RAB37: variants seen among roughly 807,000 people sequenced by gnomAD.
The protein encoded by RAB37 is RAB37, member RAS oncogene family.
Under a neutral mutation model 33.1 loss-of-function variants are expected in RAB37, and 29 were observed. The observed-to-expected ratio is 0.88, with a 90% confidence interval of 0.65 to 1.20. RAB37 has a LOEUF of 1.20. Ranked by LOEUF, RAB37 falls within the 50% of genes most tolerant of loss-of-function variation. RAB37 has a pLI of 0.00. For synonymous variants in RAB37, 128 were observed against 119.5 expected (o/e 1.07, Z -0.47); for missense variants, 299 against 301.1 (o/e 0.99, Z 0.05).
chr17:74,694,818 T>C (rs915745099), intron 1 of RAB37: 1 of 324,198 alleles, frequency 3.1e-6, no homozygotes, highest in East Asian at 5.0e-5. Context: ...AACATTTTTC[T>C]CATTATCATC....
At chr17:74,703,144 C>T in intron 1 of RAB37, 1 of 1,612,374 alleles carries the variant, frequency 6.2e-7, no homozygotes, top group Non-Finnish European at 8.5e-7. Context: ...GGAGTCGACG[C>T]TGTAGTTGAT....
chr17:74,743,249 C>T (rs2144084766), intron 4 of RAB37, 39 bp from the exon 5 acceptor site: 2 of 1,613,650 alleles, frequency 1.2e-6, no homozygotes, highest in Non-Finnish European at 1.7e-6. Context: ...AGCATCCGTG[C>T]TGCTGCCTAA....
intron 1 of RAB37, among the ~76,000 whole-genome samples, chr17:74,740,315 ATAT>A (rs1399323944): frequency 6.6e-6 from 1 of 152,098 alleles, no homozygotes; most frequent in African/African-American, 2.4e-5. Flanking sequence ...CTTGTCCAAT[ATAT>A]TGACACTTCC....
At chr17:74,708,147 CAAAAA>C (rs373733638) in intron 1 of RAB37, among the ~76,000 whole-genome samples, 1 of 81,306 alleles carries the variant, frequency 1.2e-5, no homozygotes, top group Non-Finnish European at 2.2e-5. Flanking sequence ...GACTCCATCT[CAAAAA>C]AAAAAAAAAG....
At chr17:74,702,084 G>C (rs1480455885) in intron 1 of RAB37, among the ~76,000 whole-genome samples, 1 of 151,998 alleles carries the variant, frequency 6.6e-6, no homozygotes, top group Non-Finnish European at 1.5e-5. Flanking sequence ...AAATGGGAGA[G>C]GGGGAGTAGA....
At chr17:74,721,433 C>CTT (rs1365134844) in intron 1 of RAB37, among the ~76,000 whole-genome samples, 7 of 138,394 alleles carry the variant, frequency 5.1e-5, no homozygotes, top group African/African-American at 5.3e-5. Flanking sequence ...TCTTGGTTTA[C>CTT]TTTTTTTTTT....
upstream of RAB37, among the ~76,000 whole-genome samples, chr17:74,735,646 T>G (rs2034463835): frequency 6.6e-6 from 1 of 152,050 alleles, no homozygotes; most frequent in Admixed American, 6.5e-5. Flanking sequence ...GCCTCCACAC[T>G]CCAGTCTGAG....
In RAB37 at chr17:74,730,500, C is replaced by T. The variant is rs992158826; in HGVS notation, c.183+1134C>T. ...GTGTGTTCTGGGGCCTAGAATCGGC[C>T]CTGAAACACCAGTTCCCAGGGCTCT... On this transcript the variant is annotated intron_variant, in intron 2 of 7. Transcript: ENST00000340415. This position sits in a 1 kb window ranked among gnomAD's most constrained non-coding sequence, Gnocchi z 4.4. Among the ~76,000 whole-genome samples, 1 of 152,162 alleles carries T rather than the reference C, an allele frequency of 6.6e-6. No individual in the cohort carries two copies. The highest frequency in any genetic ancestry group is 1.5e-5 in the Non-Finnish European group (1 of 68,024).
rs533520861 is a variant in RAB37, at chr17:74,704,541, A to G, written c.73-24715A>G. ...TTTCCAGTTTTCTCAATTCCACACC[A>G]GTAAGTGTCAGCATCAGTTTTCATG... is the stretch of plus-strand genomic sequence containing the variant. On this transcript the variant is annotated intron_variant, in intron 1 of 7. Coordinates refer to the RAB37 transcript ENST00000340415. 7 of 1,614,154 alleles carry G rather than the reference A, an allele frequency of 4.3e-6. No homozygotes were observed. The South Asian group carries it at 6.6e-5, about 15-fold the overall frequency.
chr17:74,725,770 C>T (rs867630457), intron 1 of RAB37, among the ~76,000 whole-genome samples: 1 of 151,908 alleles, frequency 6.6e-6, no homozygotes, highest in South Asian at 2.1e-4. Flanking sequence ...ATTACAGGTG[C>T]CTGCCATCAC....
rs551828833 is a variant in RAB37, at chr17:74,742,474, T to A, written c.246+179T>A. Among the ~76,000 whole-genome samples, 16 of 152,198 alleles carry A rather than the reference T, an allele frequency of 1.1e-4. No individual in the cohort carries two copies. Among genetic ancestry groups the A allele is most frequent in the South Asian group, 1.0e-3 (5 of 4,820 alleles). On this transcript the variant is annotated intron_variant, in intron 3 of 8. Coordinates refer to ENST00000392613, the MANE Select transcript of RAB37 (RefSeq NM_001006638.3). This position sits in a 1 kb window ranked among gnomAD's most constrained non-coding sequence, Gnocchi z 4.0. ...CAGAAAAAGCAGTTCCCAGGCACCCTCTCATCTATGAACAGCAGCTCCAAA... is the reference window on the plus strand; with the variant it reads ...CAGAAAAAGCAGTTCCCAGGCACCCACTCATCTATGAACAGCAGCTCCAAA...
At chr17:74,712,725 C>A in intron 1 of RAB37, 1 of 1,233,280 alleles carries the variant, frequency 8.1e-7, no homozygotes, top group Non-Finnish European at 1.2e-6. Flanking sequence ...AGGCTCATGC[C>A]ATTAAGGACA....
intron 1 of RAB37, among the ~76,000 whole-genome samples, chr17:74,726,964 T>C (rs1055126579): frequency 1.3e-5 from 2 of 152,242 alleles, no homozygotes; most frequent in African/African-American, 2.4e-5. Flanking sequence ...CATCCATTCA[T>C]TGAGGGTACC....
intron 1 of RAB37, among the ~76,000 whole-genome samples, chr17:74,707,611 A>G (rs558529425): frequency 2.0e-5 from 3 of 151,970 alleles, no homozygotes; most frequent in Non-Finnish European, 2.9e-5. Context: ...GCTACTTGGG[A>G]GGCTGAGGTG....
At chr17:74,741,978 G>A (rs2034629986) in intron 2 of RAB37, among the ~76,000 whole-genome samples, 1 of 152,190 alleles carries the variant, frequency 6.6e-6, no homozygotes. Flanking sequence ...CTCCAGCCCT[G>A]GGCTGCCTGA....
At chr17:74,692,013 C>T (rs2032166386) in intron 1 of RAB37, among the ~76,000 whole-genome samples, 1 of 151,800 alleles carries the variant, frequency 6.6e-6, no homozygotes, top group African/African-American at 2.4e-5. Flanking sequence ...CTACAGGCAC[C>T]CGCCACCACA....
At position 74,676,293 on chromosome 17, in the gene RAB37, A is replaced by C. The variant is rs1184462267; in HGVS notation, c.72+4635A>C. Among the ~76,000 whole-genome samples, 2 of 152,110 alleles carry C rather than the reference A, an allele frequency of 1.3e-5. No homozygotes were observed. On this transcript the variant is annotated intron_variant, in intron 1 of 7. Coordinates refer to the RAB37 transcript ENST00000340415. This position sits in a 1 kb window ranked among gnomAD's most constrained non-coding sequence, Gnocchi z 4.1. Reference sequence around the variant, plus strand: ...ATCCACATACCAGACTAGCTTCCAGAGGGACGAACAATTCCTAGGACAAAG... The same window carrying C: ...ATCCACATACCAGACTAGCTTCCAGCGGGACGAACAATTCCTAGGACAAAG...
At chr17:74,737,165 T>C (rs1316776862), upstream of RAB37, 2 of 1,405,352 alleles carry the variant, frequency 1.4e-6, no homozygotes, top group Non-Finnish European at 1.9e-6. Context: ...GGGAGGAGCC[T>C]GAGGGGTCCC....
chr17:74,739,974 T>C (rs113415067), intron 1 of RAB37, among the ~76,000 whole-genome samples: 4 of 151,716 alleles, frequency 2.6e-5, no homozygotes, highest in African/African-American at 9.7e-5. Flanking sequence ...CTGGCCAACA[T>C]GGAGAAACCC....
Sources: gnomAD v4.1 joint callset for allele counts (sites outside exome capture counted in the v4.1 genomes callset) on GRCh38, gnomAD v4.1.1 for gene constraint, Gnocchi (gnomAD v3.1) non-coding constraint, MANE v1.5 for transcripts, NCBI Gene and HGNC (gene_info 2026-07-23, HGNC 2026-07-21) for gene names.